Variants in CWH43 observed in about 807,000 individuals in gnomAD.
The protein encoded by CWH43 is PGAP2-interacting protein.
In CWH43, 91 loss-of-function variants were observed where a neutral mutation model predicts 85.7. The observed-to-expected ratio is 1.06, with a 90% confidence interval of 0.90 to 1.26. The LOEUF (loss-of-function observed/expected upper bound fraction) is 1.26. Among genes scored for constraint, CWH43 ranks in the 50% most tolerant of loss-of-function variants. CWH43 has a pLI of 0.00. For missense variants in CWH43, 869 were observed against 839.2 expected, an observed-to-expected ratio of 1.04 and a Z score of -0.44; for synonymous variants, 323 against 293.6, an observed-to-expected ratio of 1.10 and a Z score of -1.02.
intron 15 of CWH43, among the ~76,000 whole-genome samples, chr4:49,053,914 G>T (rs1451907803): frequency 1.3e-5 from 2 of 152,052 alleles, no homozygotes; most frequent in African/African-American, 2.4e-5. Flanking sequence ...TTTGGATAAA[G>T]AATACTCAAC....
intron 6 of CWH43, among the ~76,000 whole-genome samples, chr4:49,003,072 G>A (rs1783044448): frequency 6.6e-6 from 1 of 152,192 alleles, no homozygotes; most frequent in African/African-American, 2.4e-5. Context: ...TGGGGGAAAG[G>A]TTATGTGATC....
chr4:49,041,699 T>C (rs1486345613), intron 13 of CWH43, among the ~76,000 whole-genome samples: 1 of 152,136 alleles, frequency 6.6e-6, no homozygotes, highest in Non-Finnish European at 1.5e-5. Context: ...CTGTGTGGTG[T>C]TTGGAATCTG....
intron 15 of CWH43, among the ~76,000 whole-genome samples, chr4:49,061,218 G>C (rs1438706946): frequency 6.6e-6 from 1 of 152,100 alleles, no homozygotes; most frequent in Non-Finnish European, 1.5e-5. Flanking sequence ...GATATTCCTT[G>C]TTATTATTCT....
chr4:49,007,300 G>A lies in CWH43; in HGVS notation c.1160G>A (p.Arg387Lys). The A allele has an allele frequency of 6.2e-7, 1 of 1,603,884 alleles. No homozygotes were observed. The highest frequency in any genetic ancestry group is 8.5e-7 in the Non-Finnish European group (1 of 1,176,212). ...QTKNSSKVLFRKSEKYMKLFL... is the reference protein window; with the variant it reads ...QTKNSSKVLFKKSEKYMKLFL... ...AAAAACAGTTCTAAAGTGCTTTTCA[G>A]AAAGAGTGAAAAATACATGAAACTT... Residue 387 changes from arginine to lysine, a missense_variant, in exon 8 of 16, where the codon AGA becomes AAA. Around this residue, in one of 3 missense-constraint regions of CWH43, gnomAD observed 577 missense variants for 513.1 expected, o/e 1.12. Transcript: ENST00000226432.
At chr4:49,007,118 A>G (rs756589309) in intron 7 of CWH43, 83 bp from the exon 8 acceptor site, 8 of 1,466,332 alleles carry the variant, frequency 5.5e-6, no homozygotes, top group Non-Finnish European at 7.3e-6. Flanking sequence ...TGTTCCTTTC[A>G]AGGAACTCTC....
At chr4:49,007,030 T>C in intron 7 of CWH43, 171 bp from the exon 8 acceptor site, 1 of 628,214 alleles carries the variant, frequency 1.6e-6, no homozygotes, top group African/African-American at 1.9e-5. Flanking sequence ...CCTGATATTT[T>C]CCAGTTATCA....
rs1782759482 is a variant in CWH43, at chr4:48,994,785, G to T, written c.678G>T (p.Gly226=). Residue 226 remains glycine, a synonymous_variant, in exon 5 of 16, where the codon GGG becomes GGT. Coordinates refer to ENST00000226432, the MANE Select transcript of CWH43 (RefSeq NM_025087.3). ...VSLVSRWAVS[G]HPHPGPDPNP... ...TTGTTTCCAGATGGGCAGTGAGTGGGCATCCACATCCAGGGCCAGATCCTA... is the reference window on the plus strand; with the variant it reads ...TTGTTTCCAGATGGGCAGTGAGTGGTCATCCACATCCAGGGCCAGATCCTA... The T allele has an allele frequency of 3.7e-6, 6 of 1,613,768 alleles. No individual in the cohort carries two copies. Among genetic ancestry groups the T allele is most frequent in the Non-Finnish European group, 5.1e-6 (6 of 1,180,012 alleles).
chr4:49,048,792 T>G (rs1354791143), intron 14 of CWH43, among the ~76,000 whole-genome samples: 1 of 152,146 alleles, frequency 6.6e-6, no homozygotes, highest in Non-Finnish European at 1.5e-5. Context: ...GGGTTAGAGC[T>G]TCAACAAATG....
intron 14 of CWH43, among the ~76,000 whole-genome samples, chr4:49,045,384 T>G (rs1336444681): frequency 6.6e-6 from 1 of 152,240 alleles, no homozygotes; most frequent in Non-Finnish European, 1.5e-5. Context: ...TATGATATAC[T>G]TGGATAATAC....
chr4:48,995,416 C>A (rs1223949096), intron 5 of CWH43, among the ~76,000 whole-genome samples: 1 of 152,226 alleles, frequency 6.6e-6, no homozygotes, highest in Non-Finnish European at 1.5e-5. Context: ...CTTCCTGACA[C>A]ATCTTTTCTC....
At chr4:48,994,516 T>C (rs1410722163) in intron 4 of CWH43, 103 bp from the exon 5 acceptor site, 43 of 962,498 alleles carry the variant, frequency 4.5e-5, no homozygotes, top group Non-Finnish European at 6.5e-5. Context: ...AGTAAGCTTC[T>C]TGAAGCCAAA....
intron 8 of CWH43, among the ~76,000 whole-genome samples, chr4:49,010,490 A>G (rs1340531631): frequency 1.3e-5 from 2 of 151,652 alleles, no homozygotes; most frequent in Non-Finnish European, 2.9e-5. Flanking sequence ...TTCTGCTCTG[A>G]TCTTAGTTAT....
chr4:49,023,526 C>A (rs1783813196), intron 9 of CWH43, among the ~76,000 whole-genome samples: 1 of 152,144 alleles, frequency 6.6e-6, no homozygotes, highest in Admixed American at 6.5e-5. Flanking sequence ...AGGCATGCAC[C>A]ACCACATCCA....
At chr4:49,015,922 T>G (rs1783528688) in intron 8 of CWH43, among the ~76,000 whole-genome samples, 2 of 152,200 alleles carry the variant, frequency 1.3e-5, no homozygotes, top group Non-Finnish European at 2.9e-5. Context: ...AATACCCTCT[T>G]TTATTTCTGT....
chr4:48,996,081 C>A (rs190150236), intron 5 of CWH43, among the ~76,000 whole-genome samples: 35 of 152,142 alleles, frequency 2.3e-4, no homozygotes, highest in African/African-American at 7.7e-4. Flanking sequence ...GAGTCGAACC[C>A]ACTTGCGCTT....
At chr4:49,017,739 G>T (rs995114964) in intron 9 of CWH43, among the ~76,000 whole-genome samples, 2 of 152,150 alleles carry the variant, frequency 1.3e-5, no homozygotes, top group Admixed American at 6.5e-5. Context: ...TTCTGGGGAG[G>T]CCTCAGGAAA....
At chr4:49,049,383 T>A (rs1352933473) in intron 14 of CWH43, among the ~76,000 whole-genome samples, 3 of 152,104 alleles carry the variant, frequency 2.0e-5, no homozygotes, top group African/African-American at 7.2e-5. Flanking sequence ...CAAGCCCCCA[T>A]CATCTTTTAC....
At chr4:48,990,111 T>C (rs775110943) in intron 2 of CWH43, among the ~76,000 whole-genome samples, 1 of 152,190 alleles carries the variant, frequency 6.6e-6, no homozygotes, top group Non-Finnish European at 1.5e-5. Flanking sequence ...TTCCATTACT[T>C]AAGTCCATTT....
chr4:49,005,614 C>A (rs1056001801), intron 7 of CWH43, among the ~76,000 whole-genome samples: 1 of 143,838 alleles, frequency 7.0e-6, no homozygotes, highest in African/African-American at 2.6e-5. Flanking sequence ...AGCTGGAGTG[C>A]AGTGGTGCAG....
Sources: allele counts gnomAD v4.1 joint callset (sites outside exome capture counted in the v4.1 genomes callset), GRCh38; gene constraint gnomAD v4.1.1; regional missense constraint gnomAD v4.1.1; transcripts MANE v1.5; gene names NCBI Gene and HGNC (gene_info 2026-07-23, HGNC 2026-07-21).